SNTG1: variants seen among roughly 807,000 people sequenced by gnomAD.
SNTG1 encodes gamma-1-syntrophin.
SNTG1 carries 39 observed loss-of-function variants against 74.7 expected under a neutral mutation model. The observed-to-expected ratio is 0.52, with a 90% CI of 0.40 to 0.68. The LOEUF (loss-of-function observed/expected upper bound fraction) is 0.68. SNTG1 is among the 30% of genes least tolerant of loss of function. SNTG1 has a pLI of 0.00. For synonymous variants in SNTG1, 254 were observed against 217.1 expected (o/e 1.17, Z -1.49); for missense variants, 685 against 609.5 (o/e 1.12, Z -1.30).
intron 2 of SNTG1, among the ~76,000 whole-genome samples, chr8:50,249,457 C>A (rs2086549628): frequency 6.6e-6 from 1 of 152,232 alleles, no homozygotes; most frequent in South Asian, 2.1e-4. Context: ...GTACCTGCCC[C>A]TAGCTTGACA....
chr8:50,698,556 C>T (rs898203243), intron 15 of SNTG1, among the ~76,000 whole-genome samples: 20 of 152,100 alleles, frequency 1.3e-4, no homozygotes, highest in Admixed American at 3.9e-4. Context: ...ACTTGATTCT[C>T]GGTTCTGGCT....
chr8:50,770,857 C>T (rs1585750813), intron 18 of SNTG1, among the ~76,000 whole-genome samples: 2 of 152,172 alleles, frequency 1.3e-5, no homozygotes, highest in South Asian at 4.1e-4. Context: ...CCTCTCTCAC[C>T]ATGTGGTCTC....
intron 8 of SNTG1, among the ~76,000 whole-genome samples, chr8:50,461,168 TGTGTGTGTGTG>T (rs2093558156): frequency 7.1e-6 from 1 of 140,160 alleles, no homozygotes; most frequent in African/African-American, 3.1e-5. Flanking sequence ...TGTGTGTGTG[TGTGTGTGTGTG>T]TGTGTGTGTG....
chr8:50,298,664 C>T (rs1587006741), intron 2 of SNTG1, among the ~76,000 whole-genome samples: 1 of 152,140 alleles, frequency 6.6e-6, no homozygotes, highest in East Asian at 1.9e-4. Context: ...TAACAAGCTT[C>T]AATTCAATTT....
At chr8:50,551,939 C>A (rs1175184035) in intron 11 of SNTG1, among the ~76,000 whole-genome samples, 1 of 152,100 alleles carries the variant, frequency 6.6e-6, no homozygotes, top group African/African-American at 2.4e-5. Flanking sequence ...GTGGCGTAGA[C>A]CTACCAGTAG....
chr8:50,420,925 T>G lies in SNTG1; in HGVS notation c.163-17618T>G, dbSNP rs561810701. On this transcript the variant is annotated intron_variant, in intron 4 of 18. Transcript: ENST00000642720. ...CTGTGGTCCCAGCTACTTGGGAGGCTGAGGCAGGAGAATTGTTTGAACCAA... is the reference window on the plus strand; with the variant it reads ...CTGTGGTCCCAGCTACTTGGGAGGCGGAGGCAGGAGAATTGTTTGAACCAA... 6.0e-3 allele frequency among the ~76,000 whole-genome samples: 900 copies of G among 151,186 alleles called. 6 individuals carry two copies. The highest frequency in any genetic ancestry group is 0.014 in the Middle Eastern group (4 of 290).
Position 50,102,031 on chromosome 8 carries a change from G to T in SNTG1, c.-102-70530G>T, listed in dbSNP as rs535506338. ...CCGCAATAAACATACGTGTGCATGT[G>T]TCTTTATAGCAGCATGATTTATAAT... On this transcript the variant is annotated intron_variant, in intron 1 of 18. Transcript: ENST00000642720. Among the ~76,000 whole-genome samples, 31 of 152,156 alleles carry T rather than the reference G, an allele frequency of 2.0e-4. No individual in the cohort carries two copies. The East Asian group carries it at 5.6e-3, about 28-fold the overall frequency.
At chr8:50,742,918 A>C (rs1679903719) in intron 17 of SNTG1, among the ~76,000 whole-genome samples, 1 of 151,832 alleles carries the variant, frequency 6.6e-6, no homozygotes, top group Admixed American at 6.6e-5. Flanking sequence ...AAATTTGATA[A>C]CCTAGATGAA....
intron 12 of SNTG1, among the ~76,000 whole-genome samples, chr8:50,573,992 T>C (rs1451801661): frequency 6.6e-6 from 1 of 152,004 alleles, no homozygotes; most frequent in Non-Finnish European, 1.5e-5. Context: ...ATCTTAATTC[T>C]AACATTTTTT....
At chr8:50,763,203 G>A (rs975872362) in intron 18 of SNTG1, among the ~76,000 whole-genome samples, 2 of 151,912 alleles carry the variant, frequency 1.3e-5, no homozygotes, top group African/African-American at 4.8e-5. Flanking sequence ...ATGGAGATAA[G>A]GAGAGTTGTC....
chr8:50,390,388 G>C (rs1704514514), intron 2 of SNTG1, among the ~76,000 whole-genome samples: 1 of 152,124 alleles, frequency 6.6e-6, no homozygotes, highest in Non-Finnish European at 1.5e-5. Flanking sequence ...TAGATGTGTG[G>C]TATTATTTCT....
chr8:50,424,321 C>T (rs1242351233), intron 4 of SNTG1, among the ~76,000 whole-genome samples: 1 of 151,726 alleles, frequency 6.6e-6, no homozygotes, highest in Non-Finnish European at 1.5e-5. Flanking sequence ...CAAACAAAAA[C>T]AAAAAAAGGT....
At chr8:50,348,221 C>G (rs2091540425) in intron 2 of SNTG1, among the ~76,000 whole-genome samples, 1 of 152,174 alleles carries the variant, frequency 6.6e-6, no homozygotes, top group African/African-American at 2.4e-5. Context: ...CCAGAGACAT[C>G]TCCATGCCTT....
intron 12 of SNTG1, among the ~76,000 whole-genome samples, chr8:50,585,004 A>G (rs2094638177): frequency 6.6e-6 from 1 of 152,112 alleles, no homozygotes; most frequent in South Asian, 2.1e-4. Context: ...TTTGGGAAGA[A>G]GGGGCAGGCA....
intron 1 of SNTG1, among the ~76,000 whole-genome samples, chr8:50,167,064 T>C (rs1162932352): frequency 7.4e-6 from 1 of 135,642 alleles, no homozygotes; most frequent in Non-Finnish European, 1.5e-5. Flanking sequence ...TAGGTGGGAA[T>C]TGAACAATGC....
At chr8:50,047,205 G>T (rs1391415099) in intron 1 of SNTG1, among the ~76,000 whole-genome samples, 1 of 151,956 alleles carries the variant, frequency 6.6e-6, no homozygotes. Context: ...CAGGTATGGT[G>T]GTGCATGCCT....
intron 1 of SNTG1, among the ~76,000 whole-genome samples, chr8:50,149,448 A>G (rs545066019): frequency 8.5e-5 from 13 of 152,246 alleles, no homozygotes; most frequent in African/African-American, 2.9e-4. Flanking sequence ...TTGTTGTTTT[A>G]GACATGAAGT....
At chr8:50,432,048 C>T (rs1466613259) in intron 4 of SNTG1, among the ~76,000 whole-genome samples, 1 of 152,096 alleles carries the variant, frequency 6.6e-6, no homozygotes, top group Admixed American at 6.6e-5. Context: ...CATTTATCAA[C>T]ATTTTTATAA....
chr8:50,443,669 G>A (rs2093378824), intron 5 of SNTG1, among the ~76,000 whole-genome samples: 1 of 152,102 alleles, frequency 6.6e-6, no homozygotes, highest in African/African-American at 2.4e-5. Context: ...TTCATCAATT[G>A]TTATAAGCAG....
Sources: gnomAD v4.1 joint callset for allele counts (sites outside exome capture counted in the v4.1 genomes callset) on GRCh38, gnomAD v4.1.1 for gene constraint, MANE v1.5 for transcripts, NCBI Gene and HGNC (gene_info 2026-07-23, HGNC 2026-07-21) for gene names.